Variants in HRH1 observed in about 807,000 individuals in gnomAD.
HRH1 encodes histamine H1 receptor.
HRH1 carries 6 observed loss-of-function variants against 10.3 expected under a neutral mutation model. The observed-to-expected ratio is 0.58, with a 90% CI of 0.32 to 1.15. The LOEUF (loss-of-function observed/expected upper bound fraction) is 1.15, where lower values mean the gene tolerates loss of function less well. Among genes scored for constraint, HRH1 ranks in the 50% most tolerant of loss-of-function variants. HRH1 has a pLI of 0.05. For missense variants in HRH1, 514 were observed against 615.3 expected (o/e 0.84, Z 1.74); for synonymous variants, 242 against 236.7 (o/e 1.02, Z -0.21).
At chr3:11,183,710 G>T (rs867331223) in intron 1 of HRH1, among the ~76,000 whole-genome samples, 2 of 151,748 alleles carry the variant, frequency 1.3e-5, no homozygotes, top group South Asian at 2.1e-4. Flanking sequence ...CCATGTTCTA[G>T]GCTGGAAATT....
intron 1 of HRH1, among the ~76,000 whole-genome samples, chr3:11,200,086 C>T (rs1229565276): frequency 6.6e-6 from 1 of 152,110 alleles, no homozygotes; most frequent in Non-Finnish European, 1.5e-5. Flanking sequence ...AGAGAAAGAT[C>T]CTTGGATATT....
In HRH1 at chr3:11,219,714, CAA is replaced by C. The variant is rs58875644; in HGVS notation, c.-35-39270_-35-39269del. ...GGCAATAAGAGTTGAGACTTCATCT[CAA>C]AAAAAAAAAAAAAAAAAAGGAAAGA... On this transcript the variant is annotated intron_variant, in intron 1 of 1. Coordinates refer to ENST00000431010, the MANE Select transcript of HRH1 (RefSeq NM_001098212.2). Among the ~76,000 whole-genome samples the C allele has an allele frequency of 8.6e-4, 66 of 76,742 alleles. No homozygotes were observed. In the South Asian group the frequency reaches 9.1e-3, roughly 11 times the overall value. The allele number at this position is 76,742 out of a possible 152,430, so 50.3% of individuals were successfully genotyped here.
intron 1 of HRH1, among the ~76,000 whole-genome samples, chr3:11,191,651 A>G (rs377004066): frequency 1.3e-5 from 2 of 152,356 alleles, no homozygotes; most frequent in East Asian, 1.9e-4. Context: ...GGGGGCCAGC[A>G]TGGAGACAGC....
chr3:11,184,697 C>G (rs148416475), intron 1 of HRH1, among the ~76,000 whole-genome samples: 1,776 of 152,116 alleles, frequency 0.012, 38 homozygotes, highest in African/African-American at 0.041. Context: ...GGGCGGATCA[C>G]CTGAGGTCAG....
chr3:11,191,494 A>C (rs1937528275), intron 1 of HRH1, among the ~76,000 whole-genome samples: 1 of 152,166 alleles, frequency 6.6e-6, no homozygotes, highest in Admixed American at 6.5e-5. Context: ...GGTTTGGCAA[A>C]CCATATCTCT....
intron 1 of HRH1, among the ~76,000 whole-genome samples, chr3:11,203,140 C>G (rs1406915867): frequency 2.0e-5 from 3 of 152,130 alleles, no homozygotes; most frequent in Non-Finnish European, 4.4e-5. Context: ...CCATAGTTTA[C>G]CCATTCACTT....
At chr3:11,253,369 G>A (rs1384100367) in intron 1 of HRH1, among the ~76,000 whole-genome samples, 1 of 152,142 alleles carries the variant, frequency 6.6e-6, no homozygotes, top group African/African-American at 2.4e-5. Flanking sequence ...TTGGGACATT[G>A]TCTTTCAAAA....
intron 1 of HRH1, among the ~76,000 whole-genome samples, chr3:11,144,467 A>G (rs73010374): frequency 4.1e-5 from 3 of 72,944 alleles, no homozygotes; most frequent in Middle Eastern, 0.01. Flanking sequence ...GTATATATAC[A>G]TATAGACATA....
In HRH1 at chr3:11,217,771, G is replaced by A. The variant is rs115161989; in HGVS notation, c.-35-41232G>A. The stretch of plus-strand genomic sequence containing the variant: ...GAATTTTTAAGAGAACAGAGGAATA[G>A]ATATAGGTATTAAGTATAACAGCTG... On this transcript the variant is annotated intron_variant, in intron 1 of 1. Coordinates refer to ENST00000431010, the MANE Select transcript of HRH1 (RefSeq NM_001098212.2). Among the ~76,000 whole-genome samples the A allele has an allele frequency of 3.0e-3, 458 of 152,306 alleles. 1 individual carries two copies. Among genetic ancestry groups the A allele is most frequent in the African/African-American group, 0.011 (440 of 41,562 alleles).
chr3:11,237,527 T>G (rs1939213567), intron 1 of HRH1, among the ~76,000 whole-genome samples: 1 of 152,102 alleles, frequency 6.6e-6, no homozygotes, highest in Non-Finnish European at 1.5e-5. Flanking sequence ...AATGGGAGGC[T>G]GGGGGCAGAA....
At chr3:11,255,871 A>G (rs942649603) in intron 1 of HRH1, among the ~76,000 whole-genome samples, 4 of 152,222 alleles carry the variant, frequency 2.6e-5, no homozygotes, top group Admixed American at 6.5e-5. Flanking sequence ...GCAGTTCCCA[A>G]CTTGACTTTT....
intron 1 of HRH1, among the ~76,000 whole-genome samples, chr3:11,138,550 G>A (rs1047092059): frequency 2.0e-5 from 3 of 152,070 alleles, no homozygotes; most frequent in South Asian, 4.1e-4. Context: ...AATGTACCAC[G>A]GTGCAGTTAC....
chr3:11,144,414 T>G (rs1936367272), intron 1 of HRH1, among the ~76,000 whole-genome samples: 1 of 150,310 alleles, frequency 6.7e-6, no homozygotes, highest in Non-Finnish European at 1.5e-5. Flanking sequence ...GACATACATC[T>G]ATAGGTATAT....
rs942555352 is a variant in HRH1 at position 11,249,927 on chromosome 3, A to G, written c.-35-9076A>G. The stretch of plus-strand genomic sequence containing the variant: ...CTCCACAGGGTATAACAAGACAAGC[A>G]TAGAAAGTGATAGTTTGAGGTGAGT... On this transcript the variant is annotated intron_variant, in intron 1 of 1. Transcript: ENST00000431010. 2.6e-5 allele frequency among the ~76,000 whole-genome samples: 4 copies of G among 152,158 alleles called. No individual in the cohort carries two copies. The East Asian group carries it at 7.7e-4, about 29-fold the overall frequency.
At chr3:11,234,873 T>C (rs1939135242) in intron 1 of HRH1, among the ~76,000 whole-genome samples, 1 of 152,206 alleles carries the variant, frequency 6.6e-6, no homozygotes, top group African/African-American at 2.4e-5. Flanking sequence ...TTTTCATGTG[T>C]CTCAATTGTG....
Position 11,173,637 on chromosome 3 carries a change from A to G in HRH1, c.-36+19083A>G, listed in dbSNP as rs1048957765. 5.3e-5 allele frequency among the ~76,000 whole-genome samples: 8 copies of G among 151,944 alleles called. No homozygotes were observed. The South Asian group carries it at 1.7e-3, about 31-fold the overall frequency. ...AATATATTTTAAATATATATAAATT[A>G]GTTTTTGTTTTACTCTTAAAGGCTC... On this transcript the variant is annotated intron_variant, in intron 1 of 1. Coordinates refer to ENST00000431010, the MANE Select transcript of HRH1 (RefSeq NM_001098212.2).
chr3:11,219,756 G>A (rs746349759), intron 1 of HRH1, among the ~76,000 whole-genome samples: 28 of 146,242 alleles, frequency 1.9e-4, no homozygotes, highest in Non-Finnish European at 3.3e-4. Flanking sequence ...TTAATTTAAT[G>A]TGTAACAATT....
At chr3:11,179,606 C>G (rs1329924392) in intron 1 of HRH1, among the ~76,000 whole-genome samples, 1 of 146,028 alleles carries the variant, frequency 6.8e-6, no homozygotes, top group Non-Finnish European at 1.5e-5. Flanking sequence ...GGTGACAGAG[C>G]AAGACTCTGT....
At chr3:11,209,194 C>G (rs188883944) in intron 1 of HRH1, among the ~76,000 whole-genome samples, 7 of 152,296 alleles carry the variant, frequency 4.6e-5, no homozygotes, top group Non-Finnish European at 8.8e-5. Context: ...TGGGCTCAAG[C>G]AATCCTCCCA....
Sources: allele counts gnomAD v4.1 joint callset (sites outside exome capture counted in the v4.1 genomes callset), GRCh38; gene constraint gnomAD v4.1.1; transcripts MANE v1.5; gene names NCBI Gene and HGNC (gene_info 2026-07-23, HGNC 2026-07-21).